Variants in RBBP4 observed in about 807,000 individuals in gnomAD.
RBBP4 encodes the protein histone-binding protein RBBP4.
Under a neutral mutation model 57.2 loss-of-function variants are expected in RBBP4, and 3 were observed. The ratio of observed to expected loss-of-function variants is 0.05; its 90% CI spans 0.02 to 0.14. RBBP4 has a LOEUF of 0.14. Ranked by LOEUF, RBBP4 falls within the 10% of genes least tolerant of loss-of-function variation. The probability of loss-of-function intolerance (pLI) is 1.00; values close to 1 mark genes in which losing one functional copy is unlikely to be tolerated. For synonymous variants in RBBP4, 151 were observed against 171.5 expected (o/e 0.88, Z 0.93); for missense variants, 107 against 520.6 (o/e 0.21, Z 7.73).
intron 3 of RBBP4, among the ~76,000 whole-genome samples, chr1:32,663,809 C>A (rs988592603): frequency 6.6e-6 from 1 of 152,018 alleles, no homozygotes; most frequent in African/African-American, 2.4e-5. Flanking sequence ...ATCTCCTGAC[C>A]TCGTGATCCG....
chr1:32,672,748 C>T lies in RBBP4; in HGVS notation c.1102-43C>T. On this transcript the variant is annotated intron_variant, in intron 10 of 11. Transcript: ENST00000373493. ...ACTGAAATAGTCTGTAATTTAATGT[C>T]CTCTATCTGCATTTCACCTCTTTGT... 3.1e-6 allele frequency: 5 copies of T among 1,604,300 alleles called. No homozygotes were observed. In the South Asian group the frequency reaches 3.3e-5, roughly 11 times the overall value.
At chr1:32,661,298 G>GTACTT (rs1648394602) in intron 3 of RBBP4, among the ~76,000 whole-genome samples, 1 of 46,398 alleles carries the variant, frequency 2.2e-5, no homozygotes, top group Non-Finnish European at 4.6e-5. Flanking sequence ...TCTATTTTTA[G>GTACTT]TTCCTTTTTT....
At chr1:32,660,432 T>TTTATTTATTTTC (rs1648352918) in intron 3 of RBBP4, among the ~76,000 whole-genome samples, 1 of 3,432 alleles carries the variant, frequency 2.9e-4, no homozygotes, top group East Asian at 0.033. Context: ...ATTTATTTTT[T>TTTATTTATTTTC]TTGAGTCGGA....
intron 11 of RBBP4, among the ~76,000 whole-genome samples, chr1:32,676,908 A>C (rs918604881): frequency 3.3e-5 from 5 of 152,050 alleles, no homozygotes; most frequent in African/African-American, 1.2e-4. Flanking sequence ...GCGCCACTGC[A>C]CTCCAGCCTG....
rs759944773 is a variant in RBBP4, at chr1:32,681,771, G to A, written c.*2066G>A. The A allele has an allele frequency of 8.7e-6, 14 of 1,612,630 alleles. No homozygotes were observed. The African/African-American group carries it at 1.7e-4, about 20-fold the overall frequency. On this transcript the variant is annotated 3_prime_UTR_variant, in exon 12 of 12. Coordinates refer to ENST00000373493, the MANE Select transcript of RBBP4 (RefSeq NM_005610.3). ...CTGGCACTCTTGTCTGGTTGGAAGAGTACATCCAAAGGGTACTTAGTGATC... is the reference window on the plus strand; with the variant it reads ...CTGGCACTCTTGTCTGGTTGGAAGAATACATCCAAAGGGTACTTAGTGATC...
intron 11 of RBBP4, among the ~76,000 whole-genome samples, chr1:32,676,347 G>A (rs1040191725): frequency 1.3e-5 from 2 of 152,124 alleles, no homozygotes; most frequent in African/African-American, 2.4e-5. Context: ...GCTCACGCCT[G>A]TAATTCCAAC....
In RBBP4 at chr1:32,681,571, G is replaced by A; in HGVS notation, c.*1866G>A. On this transcript the variant is annotated 3_prime_UTR_variant, in exon 12 of 12. Transcript: ENST00000373493. ...CAGTGCATATGTGAGGGTTGTTGCT[G>A]GAAGACAGGAGGCTCATCTTTCCTT... is the stretch of plus-strand genomic sequence containing the variant. 1 of 557,728 alleles carries A rather than the reference G, an allele frequency of 1.8e-6. No homozygotes were observed. The highest frequency in any genetic ancestry group is 2.2e-5 in the South Asian group (1 of 44,968). The allele number at this position is 557,728 out of a possible 1,614,324, so 34.5% of individuals were successfully genotyped here.
At chr1:32,670,463 TAAAAA>T in intron 8 of RBBP4, among the ~76,000 whole-genome samples, 1 of 152,260 alleles carries the variant, frequency 6.6e-6, no homozygotes, top group African/African-American at 2.4e-5. Flanking sequence ...TTGCAAAAAT[TAAAAA>T]AAGAAATAAT....
intron 2 of RBBP4, among the ~76,000 whole-genome samples, chr1:32,653,832 G>A (rs1648018301): frequency 6.6e-6 from 1 of 151,364 alleles, no homozygotes; most frequent in Non-Finnish European, 1.5e-5. Context: ...CTAATTTTTT[G>A]TATTTTTAGT....
At chr1:32,666,480 C>T (rs966200754) in intron 3 of RBBP4, among the ~76,000 whole-genome samples, 3 of 152,090 alleles carry the variant, frequency 2.0e-5, no homozygotes, top group Non-Finnish European at 4.4e-5. Context: ...CTCAGCCTCC[C>T]CAGTAGCTGG....
chr1:32,681,577 C>G lies in RBBP4; in HGVS notation c.*1872C>G, dbSNP rs140363666. ...ATATGTGAGGGTTGTTGCTGGAAGA[C>G]AGGAGGCTCATCTTTCCTTTCCTTG... On this transcript the variant is annotated 3_prime_UTR_variant, in exon 12 of 12. Transcript: ENST00000373493. The G allele has an allele frequency of 4.3e-5, 24 of 564,292 alleles. No homozygotes were observed. The highest frequency in any genetic ancestry group is 2.8e-4 in the African/African-American group (15 of 53,122). 35.0% of individuals were successfully genotyped at this position (564,292 alleles called of 1,614,324 possible).
At position 32,651,867 on chromosome 1, in the gene RBBP4, C is replaced by T. The variant is rs756717765; in HGVS notation, c.17-47C>T. 3.8e-6 allele frequency: 6 copies of T among 1,587,532 alleles called. No individual in the cohort carries two copies. The East Asian group carries it at 9.0e-5, about 24-fold the overall frequency. ...GCAGGTGGCTTTGCAGAGGATTACT[C>T]GGTTTCCGTTTGTTTGCTAACTTAA... On this transcript the variant is annotated intron_variant, in intron 1 of 11. Coordinates refer to ENST00000373493, the MANE Select transcript of RBBP4 (RefSeq NM_005610.3).
rs1179633164 is a variant in RBBP4 at position 32,684,137 on chromosome 1, T to C, written c.*4432T>C. The C allele has an allele frequency of 6.2e-7, 1 of 1,607,478 alleles. No individual in the cohort carries two copies. Among genetic ancestry groups the C allele is most frequent in the African/African-American group, 1.3e-5 (1 of 74,618 alleles). On this transcript the variant is annotated 3_prime_UTR_variant, in exon 12 of 12. Transcript: ENST00000373493. ...TCCATGTGTTTTTGGATAAGCACAA[T>C]TTGAAAATCATTTCCCAAATCCTCT...
rs755030314 is a variant in RBBP4 at position 32,672,805 on chromosome 1, T to G, written c.1116T>G (p.Gly372=). Residue 372 remains glycine (G), a synonymous_variant, in exon 11 of 12, where the codon GGT becomes GGG. Coordinates refer to ENST00000373493, the MANE Select transcript of RBBP4 (RefSeq NM_005610.3). Reference sequence around the variant, plus strand: ...CCCTCTTTCAGTTTATTCATGGTGGTCATACTGCCAAGATATCTGATTTCT... The same window carrying G: ...CCCTCTTTCAGTTTATTCATGGTGGGCATACTGCCAAGATATCTGATTTCT... ...GPPELLFIHG[G]HTAKISDFSW... 1 of 1,613,418 alleles carries G rather than the reference T, an allele frequency of 6.2e-7. No individual in the cohort carries two copies. The highest frequency in any genetic ancestry group is 1.1e-5 in the South Asian group (1 of 91,056).
intron 3 of RBBP4, among the ~76,000 whole-genome samples, chr1:32,660,502 C>T (rs563224266): frequency 3.3e-5 from 5 of 151,692 alleles, no homozygotes; most frequent in East Asian, 3.9e-4. Flanking sequence ...CTGCAACCTC[C>T]GTCTCCCAGA....
At chr1:32,664,548 G>A (rs1469228214) in intron 3 of RBBP4, among the ~76,000 whole-genome samples, 2 of 152,062 alleles carry the variant, frequency 1.3e-5, no homozygotes, top group South Asian at 2.1e-4. Flanking sequence ...TGCCTCCCGG[G>A]TTCAAGCAAT....
chr1:32,677,488 A>G (rs1649155009), intron 11 of RBBP4, among the ~76,000 whole-genome samples: 1 of 151,290 alleles, frequency 6.6e-6, no homozygotes, highest in East Asian at 2.1e-4. Context: ...AAAACAAAAC[A>G]AAAAACAAAC....
chr1:32,659,560 G>A (rs866493057), intron 3 of RBBP4, among the ~76,000 whole-genome samples: 3 of 55,204 alleles, frequency 5.4e-5, no homozygotes, highest in African/African-American at 1.0e-4. Flanking sequence ...GGGAAACTCC[G>A]TCTCAAAAAC....
At chr1:32,660,117 T>TAA (rs1406805879) in intron 3 of RBBP4, among the ~76,000 whole-genome samples, 1 of 152,210 alleles carries the variant, frequency 6.6e-6, no homozygotes, top group Non-Finnish European at 1.5e-5. Context: ...CCTGTTTATT[T>TAA]ATGTTTTTTG....
Sources: gnomAD v4.1 joint callset for allele counts (sites outside exome capture counted in the v4.1 genomes callset) on GRCh38, gnomAD v4.1.1 for gene constraint, MANE v1.5 for transcripts, NCBI Gene and HGNC (gene_info 2026-07-23, HGNC 2026-07-21) for gene names.